Variants in ZNF99 observed in about 807,000 individuals in gnomAD.
ZNF99 encodes the protein zinc finger protein ENSP00000375192.
A neutral mutation model predicts 12.8 loss-of-function variants in ZNF99; 8 were observed. The ratio of observed to expected loss-of-function variants is 0.62; its 90% CI spans 0.37 to 1.13. ZNF99 has a LOEUF of 1.13. ZNF99 is among the 50% of genes most tolerant of loss of function. ZNF99 has a pLI of 0.02. For missense variants in ZNF99, 1,007 were observed against 1,006.2 expected, an observed-to-expected ratio of 1.00 and a Z score of -0.01; for synonymous variants, 318 against 319.0, an observed-to-expected ratio of 1.00 and a Z score of 0.03.
At chr19:22,773,619 T>C (rs1024971923) in intron 1 of ZNF99, among the ~76,000 whole-genome samples, 1 of 152,224 alleles carries the variant, frequency 6.6e-6, no homozygotes, top group Admixed American at 6.5e-5. Context: ...GAAGGTAGGC[T>C]CTCAATCTCC....
intron 1 of ZNF99, 107 bp from the exon 2 acceptor site, chr19:22,769,431 T>C: frequency 7.9e-7 from 1 of 1,260,286 alleles, no homozygotes; most frequent in Non-Finnish European, 1.1e-6. Context: ...GGTTCTAACT[T>C]ACAGGGATGA....
Position 22,755,996 on chromosome 19 carries a change from TGTG to T in ZNF99, c.*1315_*1317del. On this transcript the variant is annotated 3_prime_UTR_variant, in exon 4 of 4. Transcript: ENST00000596209. Reference sequence around the variant, plus strand: ...TCAATTATTTTATGTGTATTTAAGGTGTGAGGACTGGTTAAAGGCTTTGCCACA... The same window carrying T: ...TCAATTATTTTATGTGTATTTAAGGTAGGACTGGTTAAAGGCTTTGCCACA... 1 of 678,644 alleles carries T rather than the reference TGTG, an allele frequency of 1.5e-6. No homozygotes were observed. The highest frequency in any genetic ancestry group is 2.4e-6 in the Non-Finnish European group (1 of 410,144). 42.0% of individuals were successfully genotyped at this position (678,644 alleles called of 1,614,324 possible).
Position 22,776,352 on chromosome 19 carries a change from A to AT in ZNF99, c.4-7029dup, listed in dbSNP as rs1187079362. ...GGTGACAGAGTGAGGCTTCATCTCA[A>AT]TTAAAAAAAAAAAAAAAAGTAAACA... On this transcript the variant is annotated intron_variant, in intron 1 of 3. Transcript: ENST00000596209. 5.9e-4 allele frequency among the ~76,000 whole-genome samples: 66 copies of AT among 112,816 alleles called. 1 individual carries two copies. The highest frequency in any genetic ancestry group is 2.4e-3 in the African/African-American group (60 of 24,772). 74.0% of individuals were successfully genotyped at this position (112,816 alleles called of 152,430 possible). A position where few individuals can be genotyped will look rare whatever the true frequency, so the allele number is the denominator to read the frequency against.
At chr19:22,777,709 TG>T (rs1973344859) in intron 1 of ZNF99, among the ~76,000 whole-genome samples, 1 of 152,128 alleles carries the variant, frequency 6.6e-6, no homozygotes, top group Non-Finnish European at 1.5e-5. Flanking sequence ...AAAAACATGT[TG>T]CTGCTGCAGA....
At position 22,759,148 on chromosome 19, in the gene ZNF99, T is replaced by C. The variant is rs1395858716; in HGVS notation, c.761A>G (p.Lys254Arg). 2 of 1,608,710 alleles carry C rather than the reference T, an allele frequency of 1.2e-6. No homozygotes were observed. The highest frequency in any genetic ancestry group is 2.2e-5 in the East Asian group (1 of 44,738). Residue 254 changes from lysine to arginine, a missense_variant, in exon 4 of 4, where the codon AAG (lysine) becomes AGG (arginine). By Grantham distance (26) the Lys-to-Arg change is conservative. Coordinates refer to ENST00000596209, the MANE Select transcript of ZNF99 (RefSeq NM_001080409.3). ...FTKCKIIHTGKKPCKCEECGK... is the reference protein window; with the variant it reads ...FTKCKIIHTGRKPCKCEECGK... Reference sequence around the variant, plus strand: ...ACATTCTTCACATTTGCAGGGTTTCTTTCCAGTATGAATTATCTTACATTT... The same window carrying C: ...ACATTCTTCACATTTGCAGGGTTTCCTTCCAGTATGAATTATCTTACATTT...
At chr19:22,764,075 A>AT (rs1219669338) in intron 3 of ZNF99, among the ~76,000 whole-genome samples, 1 of 151,386 alleles carries the variant, frequency 6.6e-6, no homozygotes, top group African/African-American at 2.4e-5. Flanking sequence ...CACCTGGCTA[A>AT]TTTTTGTATT....
rs753760345 is a variant in ZNF99, at chr19:22,769,297, T to C, written c.31A>G (p.Ile11Val). Residue 11 changes from isoleucine to valine, a missense_variant, in exon 2 of 4, where the codon ATA (isoleucine) becomes GTA (valine). Physicochemically the swap from Ile to Val is conservative, Grantham distance 29 (BLOSUM62 3). Transcript: ENST00000596209. The stretch of plus-strand genomic sequence containing the variant: ...TGCCACTCCTCCAGAGCGAATTCTA[T>C]GGTCACATCCCAAAATGTCAACGAT... MGSLTFWDVTIEFALEEWQCL... is the reference protein window; with the variant it reads MGSLTFWDVTVEFALEEWQCL... 7.4e-5 allele frequency: 119 copies of C among 1,608,862 alleles called. No individual in the cohort carries two copies. In the Admixed American group the frequency reaches 1.7e-3, roughly 23 times the overall value.
In ZNF99 at chr19:22,756,578, G is replaced by A. The variant is rs757082451; in HGVS notation, c.*736C>T. The A allele has an allele frequency of 6.2e-7, 1 of 1,600,122 alleles. No homozygotes were observed. ...GTATGAATTGATTTATGTTTAGTAA[G>A]GTGTGAGGATTGCTTAAAAGCTTTG... On this transcript the variant is annotated 3_prime_UTR_variant, in exon 4 of 4. Transcript: ENST00000596209.
At chr19:22,761,706 C>T (rs1033819927) in intron 3 of ZNF99, among the ~76,000 whole-genome samples, 19 of 151,992 alleles carry the variant, frequency 1.3e-4, no homozygotes, top group South Asian at 4.1e-4. Context: ...CAACAGTGCA[C>T]GAAACCTTCT....
Position 22,756,669 on chromosome 19 carries a change from G to T in ZNF99, c.*645C>A, listed in dbSNP as rs533928258. ...TTATCTTATGTTTCATAAGGGTCGAGAAATTGTTAAAACCTTTGCCACATT... is the reference window on the plus strand; with the variant it reads ...TTATCTTATGTTTCATAAGGGTCGATAAATTGTTAAAACCTTTGCCACATT... On this transcript the variant is annotated 3_prime_UTR_variant, in exon 4 of 4. Coordinates refer to ENST00000596209, the MANE Select transcript of ZNF99 (RefSeq NM_001080409.3). 1 of 1,479,646 alleles carries T rather than the reference G, an allele frequency of 6.8e-7. No individual in the cohort carries two copies. Among genetic ancestry groups the T allele is most frequent in the African/African-American group, 1.7e-5 (1 of 58,408 alleles). 91.7% of individuals were successfully genotyped at this position (1,479,646 alleles called of 1,614,324 possible).
At chr19:22,778,311 G>C (rs143394211) in intron 1 of ZNF99, among the ~76,000 whole-genome samples, 1 of 152,162 alleles carries the variant, frequency 6.6e-6, no homozygotes, top group Non-Finnish European at 1.5e-5. Flanking sequence ...GACACCCAGA[G>C]ATCCATTCCA....
rs879041209 is a variant in ZNF99, at chr19:22,755,184, A to T, written c.*2130T>A. 1.5e-5 allele frequency: 4 copies of T among 273,650 alleles called. No homozygotes were observed. In the South Asian group the frequency reaches 1.9e-4, roughly 13 times the overall value. 17.0% of individuals were successfully genotyped at this position (273,650 alleles called of 1,614,324 possible). On this transcript the variant is annotated 3_prime_UTR_variant, in exon 4 of 4. Transcript: ENST00000596209. ...CAAGAGTTGAGGACTGGCTAAAAGC[A>T]TTGCCACTTTCTTCACATTTGTAGG...
chr19:22,767,905 G>A (rs558429309), intron 3 of ZNF99, among the ~76,000 whole-genome samples: 4 of 152,268 alleles, frequency 2.6e-5, no homozygotes, highest in East Asian at 1.9e-4. Context: ...AGTGGAAAGC[G>A]AAGAGAAACT....
At position 22,784,084 on chromosome 19, in the gene ZNF99, A is replaced by T. The variant is rs1973421459; in HGVS notation, c.-68T>A. Reference sequence around the variant, plus strand: ...CCAAATACCTACAGGTCACAGGGCCACAGAGGCTAAGGACACAGAGCAGTA... The same window carrying T: ...CCAAATACCTACAGGTCACAGGGCCTCAGAGGCTAAGGACACAGAGCAGTA... On this transcript the variant is annotated 5_prime_UTR_variant, in exon 1 of 4. Transcript: ENST00000596209. 7.6e-6 allele frequency: 12 copies of T among 1,586,662 alleles called. No individual in the cohort carries two copies. The highest frequency in any genetic ancestry group is 1.0e-5 in the Non-Finnish European group (12 of 1,157,318).
chr19:22,764,210 G>T (rs1351690091), intron 3 of ZNF99, among the ~76,000 whole-genome samples: 4 of 151,844 alleles, frequency 2.6e-5, no homozygotes, highest in African/African-American at 9.7e-5. Context: ...CCTGGCCAGG[G>T]ACTCTTTTCA....
intron 1 of ZNF99, among the ~76,000 whole-genome samples, chr19:22,776,374 A>T (rs1973326481): frequency 7.5e-6 from 1 of 133,610 alleles, no homozygotes. Flanking sequence ...AAAAAAAGTA[A>T]ACAAAAAACA....
Position 22,759,327 on chromosome 19 carries a change from A to C in ZNF99, c.582T>G (p.Ile194Met), listed in dbSNP as rs537429848. ...ATTTGTAGATATTCTCTCTAGTATG[A>C]ATTCTCTTATGTTGAATTAAGTGTG... ...MLSHLIQHKR[I>M]HTRENIYKCE... is the part of the protein sequence containing the mutation. Residue 194 changes from isoleucine (I) to methionine (M), a missense_variant, in exon 4 of 4, where the codon ATT becomes ATG. Coordinates refer to ENST00000596209, the MANE Select transcript of ZNF99 (RefSeq NM_001080409.3). 2.7e-4 allele frequency: 424 copies of C among 1,549,210 alleles called. No homozygotes were observed. Among genetic ancestry groups the C allele is most frequent in the Non-Finnish European group, 3.6e-4 (417 of 1,147,990 alleles).
Position 22,758,267 on chromosome 19 carries a change from T to G in ZNF99, c.1642A>C (p.Asn548His), listed in dbSNP as rs775061549. The stretch of plus-strand genomic sequence containing the variant: ...TTATGTTTCATAAGGGTTGAGGAAT[T>G]GTTAAAAGCTTTGCCACATTCTTCA... ...KCEECGKAFN[N>H]SSTLMKHKII... The change falls in exon 4 of 4, where the codon AAT becomes CAT. Residue 548 changes from asparagine (N) to histidine (H), a missense_variant. Transcript: ENST00000596209. 1.3e-6 allele frequency: 2 copies of G among 1,596,190 alleles called. No homozygotes were observed. Among genetic ancestry groups the G allele is most frequent in the East Asian group, 2.3e-5 (1 of 44,034 alleles).
At chr19:22,782,589 C>T (rs1011546528) in intron 1 of ZNF99, among the ~76,000 whole-genome samples, 9 of 149,768 alleles carry the variant, frequency 6.0e-5, no homozygotes, top group Non-Finnish European at 1.2e-4. Context: ...CTTGAACTCC[C>T]GACCTCAGGT....
Sources: allele counts gnomAD v4.1 joint callset (sites outside exome capture counted in the v4.1 genomes callset), GRCh38; gene constraint gnomAD v4.1.1; transcripts MANE v1.5; gene names NCBI Gene and HGNC (gene_info 2026-07-23, HGNC 2026-07-21).